Variants in ATRNL1 observed in about 807,000 individuals in gnomAD.
The protein encoded by ATRNL1 is attractin-like protein 1.
Under a neutral mutation model 182.7 loss-of-function variants are expected in ATRNL1, and 95 were observed. That is an observed-to-expected ratio of 0.52 (90% CI 0.44 to 0.62). The LOEUF (loss-of-function observed/expected upper bound fraction) is 0.62. ATRNL1 is among the 20% of genes least tolerant of loss of function. The pLI is 0.00. For synonymous variants in ATRNL1, 576 were observed against 568.3 expected, an observed-to-expected ratio of 1.01 and a Z score of -0.19; for missense variants, 1,471 against 1,679.5, an observed-to-expected ratio of 0.88 and a Z score of 2.17.
rs10546896 is a variant in ATRNL1 at position 115,738,126 on chromosome 10, A to ATT, written c.3903+10800_3903+10801dup. ...ATAAAAAATGATTTAGAAGATAATG[A>ATT]TTTTTTTTTTTTTTTTTTTTTTTTT... On this transcript the variant is annotated intron_variant, in intron 27 of 28. Coordinates refer to ENST00000355044, the MANE Select transcript of ATRNL1 (RefSeq NM_207303.4). Among the ~76,000 whole-genome samples the ATT allele has an allele frequency of 2.9e-3, 138 of 47,096 alleles. 19 individuals are homozygous for ATT. Among genetic ancestry groups the ATT allele is most frequent in the African/African-American group, 8.7e-3 (133 of 15,214 alleles). The allele number at this position is 47,096 out of a possible 152,430, so 30.9% of individuals were successfully genotyped here. A position where few individuals can be genotyped will look rare whatever the true frequency, so the allele number is the denominator to read the frequency against.
chr10:115,932,947 A>G (rs1555122005), intron 28 of ATRNL1, among the ~76,000 whole-genome samples: 1 of 152,218 alleles, frequency 6.6e-6, no homozygotes, highest in Non-Finnish European at 1.5e-5. Context: ...GCCTTGACTT[A>G]AAACGGTAAG....
intron 27 of ATRNL1, among the ~76,000 whole-genome samples, chr10:115,804,794 T>C (rs182088652): frequency 6.6e-6 from 1 of 152,280 alleles, no homozygotes; most frequent in African/African-American, 2.4e-5. Context: ...AGGAAACATA[T>C]TAAGATCACA....
chr10:115,772,827 G>T (rs1949029115), intron 27 of ATRNL1, among the ~76,000 whole-genome samples: 1 of 152,078 alleles, frequency 6.6e-6, no homozygotes, highest in African/African-American at 2.4e-5. Flanking sequence ...TGACATTTTT[G>T]CAGGCTAAAT....
Position 115,165,621 on chromosome 10 carries a change from T to G in ATRNL1, c.1068T>G (p.Tyr356Ter). The G allele has an allele frequency of 6.5e-7, 1 of 1,538,802 alleles. No homozygotes were observed. The highest frequency in any genetic ancestry group is 1.3e-5 in the South Asian group (1 of 77,408). The change falls in exon 7 of 29, where the codon TAT (tyrosine) becomes TAG (stop). Residue 356 changes from tyrosine to a stop codon, truncating the protein, a stop_gained. Transcript: ENST00000355044. LOFTEE classifies it high-confidence loss of function. Reference protein sequence around the residue: ...GTPSRGPLQRYGHSLALYQEN... With the variant: ...GTPSRGPLQR The stretch of plus-strand genomic sequence containing the variant: ...CATCAAGGGGACCTCTCCAGAGATA[T>G]GGACACTCTCTTGCTTTATATCAGG...
At chr10:115,844,264 G>C (rs539644682) in intron 27 of ATRNL1, among the ~76,000 whole-genome samples, 177 of 152,154 alleles carry the variant, frequency 1.2e-3, no homozygotes, top group Non-Finnish European at 1.9e-3. Context: ...CTGGAATATG[G>C]TTTCTAGTGA....
intron 27 of ATRNL1, among the ~76,000 whole-genome samples, chr10:115,777,377 A>C (rs1949153513): frequency 6.6e-6 from 1 of 152,140 alleles, no homozygotes; most frequent in Non-Finnish European, 1.5e-5. Context: ...TATTAATTTC[A>C]GTATAACTTG....
chr10:115,799,435 A>C (rs978434684), intron 27 of ATRNL1, among the ~76,000 whole-genome samples: 37 of 152,202 alleles, frequency 2.4e-4, no homozygotes, highest in African/African-American at 7.0e-4. Flanking sequence ...GGGAAAAATC[A>C]GACAATCCTA....
chr10:115,908,755 G>A (rs999414562), intron 28 of ATRNL1, among the ~76,000 whole-genome samples: 6 of 152,124 alleles, frequency 3.9e-5, no homozygotes, highest in African/African-American at 9.7e-5. Context: ...AGGTATATTC[G>A]GTTCATCTCA....
chr10:115,926,647 C>T (rs1468872987), intron 28 of ATRNL1, among the ~76,000 whole-genome samples: 1 of 152,088 alleles, frequency 6.6e-6, no homozygotes, highest in Non-Finnish European at 1.5e-5. Flanking sequence ...TGCAAATAAA[C>T]TAGAAAATCT....
chr10:115,689,296 G>T lies in ATRNL1; in HGVS notation c.3796-37952G>T, dbSNP rs374370798. Reference sequence around the variant, plus strand: ...TGTGTGGTTTGTTCTTGATTTTCTAGCTCCTTGAGATGCATCATTAGATTG... The same window carrying T: ...TGTGTGGTTTGTTCTTGATTTTCTATCTCCTTGAGATGCATCATTAGATTG... On this transcript the variant is annotated intron_variant, in intron 26 of 28. Transcript: ENST00000355044. Among the ~76,000 whole-genome samples, 19 of 152,144 alleles carry T rather than the reference G, an allele frequency of 1.2e-4. 1 individual carries two copies. In the South Asian group the frequency reaches 3.9e-3, roughly 32 times the overall value.
At chr10:115,808,981 G>T (rs920999353) in intron 27 of ATRNL1, among the ~76,000 whole-genome samples, 15 of 151,724 alleles carry the variant, frequency 9.9e-5, no homozygotes, top group African/African-American at 3.6e-4. Flanking sequence ...ATTATATTTA[G>T]GTCTGTATTG....
At chr10:115,513,539 A>G (rs1180476853) in intron 24 of ATRNL1, among the ~76,000 whole-genome samples, 1 of 151,988 alleles carries the variant, frequency 6.6e-6, no homozygotes, top group Non-Finnish European at 1.5e-5. Flanking sequence ...CCAGAATATA[A>G]TAGATACTTA....
At chr10:115,467,333 A>G (rs1039676915) in intron 23 of ATRNL1, 81 bp downstream of exon 23, 4 of 967,194 alleles carry the variant, frequency 4.1e-6, no homozygotes, top group Admixed American at 5.5e-5. Flanking sequence ...TGTTAATTAA[A>G]TGTTTGAAAT....
intron 8 of ATRNL1, among the ~76,000 whole-genome samples, chr10:115,185,736 C>T (rs1847914448): frequency 6.6e-6 from 1 of 151,958 alleles, no homozygotes; most frequent in Non-Finnish European, 1.5e-5. Flanking sequence ...TAAGTCTCCC[C>T]TACAGATTGC....
chr10:115,561,708 T>TGTGTGTGTGG (rs1554999778), intron 26 of ATRNL1, among the ~76,000 whole-genome samples: 179 of 150,542 alleles, frequency 1.2e-3, no homozygotes, highest in African/African-American at 4.1e-3. Flanking sequence ...TGTGTGGGTG[T>TGTGTGTGTGG]GTGTGTGTGT....
At chr10:115,374,469 C>CTTCA (rs1857563439) in intron 19 of ATRNL1, among the ~76,000 whole-genome samples, 1 of 146,286 alleles carries the variant, frequency 6.8e-6, no homozygotes, top group African/African-American at 2.5e-5. Flanking sequence ...TCCTTCCTTC[C>CTTCA]TTCCTTCCTT....
At chr10:115,944,280 G>C (rs1555124903) in intron 28 of ATRNL1, among the ~76,000 whole-genome samples, 1 of 31,266 alleles carries the variant, frequency 3.2e-5, no homozygotes, top group South Asian at 2.0e-3. Context: ...GACTAGTTTT[G>C]TTCCTAAAAA....
At chr10:115,454,939 T>C (rs1847450971) in intron 21 of ATRNL1, among the ~76,000 whole-genome samples, 1 of 152,166 alleles carries the variant, frequency 6.6e-6, no homozygotes, top group South Asian at 2.1e-4. Context: ...CTGTCTTGAA[T>C]AGAAATGGTG....
At chr10:115,536,717 A>T (rs149189503) in intron 25 of ATRNL1, among the ~76,000 whole-genome samples, 1,772 of 152,318 alleles carry the variant, frequency 0.012, 28 homozygotes, top group African/African-American at 0.04. Flanking sequence ...TCATGCTGGG[A>T]GCTGCAGACC....
Sources: gnomAD v4.1 joint callset for allele counts (sites outside exome capture counted in the v4.1 genomes callset) on GRCh38, gnomAD v4.1.1 for gene constraint, MANE v1.5 for transcripts, NCBI Gene and HGNC (gene_info 2026-07-23, HGNC 2026-07-21) for gene names.